TEP1: variants seen among roughly 807,000 people sequenced by gnomAD.
TEP1 encodes telomerase protein component 1.
Under a neutral mutation model 306.3 loss-of-function variants are expected in TEP1, and 241 were observed. The observed-to-expected ratio is 0.79, with a 90% CI of 0.71 to 0.88. The LOEUF (loss-of-function observed/expected upper bound fraction) is 0.88, where lower values mean the gene tolerates loss of function less well. Among genes scored for constraint, TEP1 ranks in the 40% least tolerant of loss-of-function variants. The pLI is 0.00. For synonymous variants in TEP1, 1,289 were observed against 1,305.5 expected, an observed-to-expected ratio of 0.99 and a Z score of 0.27; for missense variants, 3,051 against 3,276.1, an observed-to-expected ratio of 0.93 and a Z score of 1.68.
rs1376038708 is a variant in TEP1 at position 20,382,606 on chromosome 14, A to G, written c.4140+17T>C. ...TGGGAAGTAGTGATTAGGACTTGGA[A>G]GGTGATGAGAACTGACCTGCTCATA... On this transcript the variant is annotated intron_variant, in intron 28 of 54. Coordinates refer to ENST00000262715, the MANE Select transcript of TEP1 (RefSeq NM_007110.5). 3 of 1,613,508 alleles carry G rather than the reference A, an allele frequency of 1.9e-6. No individual in the cohort carries two copies. In the South Asian group the frequency reaches 3.3e-5, roughly 18 times the overall value.
In TEP1 at chr14:20,368,381, C is replaced by T; in HGVS notation, c.*56G>A. On this transcript the variant is annotated 3_prime_UTR_variant, in exon 55 of 55. Transcript: ENST00000262715. The stretch of plus-strand genomic sequence containing the variant: ...TATAATTATTAAAAGCTACCAGTGT[C>T]TTCAGGCTTTGCATCTCTAGCACAA... 1 of 1,583,050 alleles carries T rather than the reference C, an allele frequency of 6.3e-7. No homozygotes were observed. The highest frequency in any genetic ancestry group is 8.6e-7 in the Non-Finnish European group (1 of 1,156,752).
At chr14:20,391,175 A>C (rs2139114495) in intron 13 of TEP1, 79 bp from the exon 14 acceptor site, 1 of 1,453,318 alleles carries the variant, frequency 6.9e-7, no homozygotes, top group South Asian at 1.2e-5. Context: ...TGGAGGCCAA[A>C]CCCTTCCATT....
At chr14:20,377,878 G>A in intron 39 of TEP1, 125 bp from the exon 40 acceptor site, 1 of 1,449,054 alleles carries the variant, frequency 6.9e-7, no homozygotes. Flanking sequence ...AGCTGCCCCT[G>A]CACACAGCGG....
At position 20,368,568 on chromosome 14, in the gene TEP1, G is replaced by GGA; in HGVS notation, c.7762-11_7762-10dup. The GGA allele has an allele frequency of 6.2e-7, 1 of 1,613,856 alleles. No individual in the cohort carries two copies. Among genetic ancestry groups the GGA allele is most frequent in the African/African-American group, 1.3e-5 (1 of 74,992 alleles). On this transcript the variant is annotated splice_polypyrimidine_tract_variant and intron_variant, in intron 54 of 54. Coordinates refer to ENST00000262715, the MANE Select transcript of TEP1 (RefSeq NM_007110.5). ...CATCGGAACAGGCCCAGCTACGATGGGAACAAAAATAGGGGAGGTCAGGGC... is the reference window on the plus strand; with the variant it reads ...CATCGGAACAGGCCCAGCTACGATGGGAGAACAAAAATAGGGGAGGTCAGGGC...
In TEP1 at chr14:20,381,166, G is replaced by T; in HGVS notation, c.4648-121C>A. 2 of 1,213,988 alleles carry T rather than the reference G, an allele frequency of 1.6e-6. No individual in the cohort carries two copies. The highest frequency in any genetic ancestry group is 1.2e-5 in the South Asian group (1 of 81,354). The allele number at this position is 1,213,988 out of a possible 1,614,324, so 75.2% of individuals were successfully genotyped here. On this transcript the variant is annotated intron_variant, in intron 32 of 54. Transcript: ENST00000262715. This position sits in a 1 kb window ranked among gnomAD's most constrained non-coding sequence, Gnocchi z 4.0. ...CTGGGACAAAGGACTTGAAGAAGAA[G>T]GGCAGGAAAACTGAAAGGAAAGAGG...
At chr14:20,401,390 G>A (rs1029507432) in intron 8 of TEP1, 67 bp downstream of exon 8, 5 of 1,595,790 alleles carry the variant, frequency 3.1e-6, no homozygotes, top group South Asian at 2.3e-5. Context: ...CTGGGATGGG[G>A]GCCACGGATG....
intron 35 of TEP1, 113 bp downstream of exon 35, chr14:20,379,817 A>G: frequency 7.2e-7 from 1 of 1,393,684 alleles, no homozygotes; most frequent in Admixed American, 2.8e-5. Context: ...TGCAGGCAGT[A>G]AAGTTGCTGA....
rs1192482462 is a variant in TEP1 at position 20,389,682 on chromosome 14, T to C, written c.2393A>G (p.Lys798Arg). ...ATTCACACGCTGCCAGTAAAGCTGT[T>C]TGGCCACATTTATCATTCCATCATC... The part of the protein sequence containing the change: ...SMDDGMINVA[K>R]QLYWQRVNSK... Residue 798 changes from lysine to arginine, a missense_variant, in exon 16 of 55, where the codon AAA becomes AGA. Transcript: ENST00000262715. 5.0e-6 allele frequency: 8 copies of C among 1,614,086 alleles called. 1 individual carries two copies. The highest frequency in any genetic ancestry group is 1.7e-5 in the Admixed American group (1 of 60,006).
chr14:20,376,390 G>A (rs1885179602), intron 41 of TEP1, 126 bp from the exon 42 acceptor site: 1 of 967,400 alleles, frequency 1.0e-6, no homozygotes, highest in South Asian at 1.7e-5. Flanking sequence ...CCATGGGAGG[G>A]ATGCAGGGAG....
intron 12 of TEP1, among the ~76,000 whole-genome samples, chr14:20,392,402 T>C (rs192839670): frequency 6.8e-6 from 1 of 147,126 alleles, no homozygotes; most frequent in Non-Finnish European, 1.5e-5. Flanking sequence ...GTGGTCCCAC[T>C]TAAATAGTAT....
intron 18 of TEP1, 53 bp from the exon 19 acceptor site, chr14:20,386,676 T>C: frequency 6.7e-7 from 1 of 1,499,442 alleles, no homozygotes; most frequent in Non-Finnish European, 8.9e-7. Flanking sequence ...CCACCCCCCA[T>C]CCATAGACAC....
intron 1 of TEP1, among the ~76,000 whole-genome samples, chr14:20,409,981 A>G (rs1190325214): frequency 7.4e-6 from 1 of 135,242 alleles, no homozygotes; most frequent in Non-Finnish European, 1.5e-5. Flanking sequence ...CAGATTGGCC[A>G]CTGCACTCCA....
Position 20,387,901 on chromosome 14 carries a change from T to G in TEP1, c.2684+4A>C. The G allele has an allele frequency of 6.2e-7, 1 of 1,600,326 alleles. No individual in the cohort carries two copies. The highest frequency in any genetic ancestry group is 8.5e-7 in the Non-Finnish European group (1 of 1,175,596). ...TTCACAAAGGCATAGAAACACAGACTGACCCTTGCTGGGAAACAGGAGCCA... is the reference window on the plus strand; with the variant it reads ...TTCACAAAGGCATAGAAACACAGACGGACCCTTGCTGGGAAACAGGAGCCA... On this transcript the variant is annotated splice_donor_region_variant and intron_variant, in intron 18 of 54. Coordinates refer to ENST00000262715, the MANE Select transcript of TEP1 (RefSeq NM_007110.5).
In TEP1 at chr14:20,369,917, A is replaced by AGTCTTTTT. The variant is rs59667471; in HGVS notation, c.7318-139_7318-138insAAAAAGAC. 224 of 590,702 alleles carry AGTCTTTTT rather than the reference A, an allele frequency of 3.8e-4. 1 individual carries two copies. The highest frequency in any genetic ancestry group is 1.9e-3 in the Middle Eastern group (4 of 2,058). 36.6% of individuals were successfully genotyped at this position (590,702 alleles called of 1,614,324 possible). A position where few individuals can be genotyped will look rare whatever the true frequency, so the allele number is the denominator to read the frequency against. ...CAACTTAGATACAATCAAGTGCGCA[A>AGTCTTTTT]ATTTTTTTTTTTTTGAGACGGAGTC... is the stretch of plus-strand genomic sequence containing the variant. On this transcript the variant is annotated intron_variant, in intron 51 of 54. Transcript: ENST00000262715.
At chr14:20,378,304 G>A in intron 38 of TEP1, 68 bp from the exon 39 acceptor site, 2 of 1,611,470 alleles carry the variant, frequency 1.2e-6, no homozygotes, top group Non-Finnish European at 8.5e-7. Context: ...GACCCAGAAT[G>A]CTGCTGTCTG....
Position 20,370,665 on chromosome 14 carries a change from G to C in TEP1, c.7317+553C>G, listed in dbSNP as rs567155649. Among the ~76,000 whole-genome samples the C allele has an allele frequency of 5.3e-5, 8 of 152,306 alleles. No individual in the cohort carries two copies. In the East Asian group the frequency reaches 1.5e-3, roughly 29 times the overall value. ...GAAGATTCTTGTACCCGGCTTTGCA[G>C]AATGTATGTACTCCTTTCTCTTAGG... On this transcript the variant is annotated intron_variant, in intron 51 of 54. Transcript: ENST00000262715.
At position 20,373,023 on chromosome 14, in the gene TEP1, C is replaced by T; in HGVS notation, c.6939G>A (p.Val2313=). The change falls in exon 48 of 55, where the codon GTG becomes GTA. Residue 2313 remains valine, a synonymous_variant. Transcript: ENST00000262715. The part of the protein sequence containing the change: ...ELILWQEAKA[V]ATAQAPGHIG... ...TACACCGACTCACCTGTGCTGTGGC[C>T]ACAGCCTTAGCTTCCTGCCACAAGA... 1 of 1,614,164 alleles carries T rather than the reference C, an allele frequency of 6.2e-7. No homozygotes were observed. Among genetic ancestry groups the T allele is most frequent in the Non-Finnish European group, 8.5e-7 (1 of 1,180,030 alleles).
intron 6 of TEP1, 72 bp from the exon 7 acceptor site, chr14:20,403,520 T>C (rs1878926075): frequency 2.5e-6 from 4 of 1,605,490 alleles, no homozygotes; most frequent in Non-Finnish European, 2.5e-6. Context: ...TCAATAGCCC[T>C]GAAGGTGCAT....
In TEP1 at chr14:20,384,615, C is replaced by G; in HGVS notation, c.3206G>C (p.Gly1069Ala). 2 of 1,614,078 alleles carry G rather than the reference C, an allele frequency of 1.2e-6. No homozygotes were observed. Among genetic ancestry groups the G allele is most frequent in the Non-Finnish European group, 1.7e-6 (2 of 1,180,030 alleles). ...ELKSYLSRQK[G>A]ITCRRYPCEW... ...CTCAGCTCACCTGCGGCAGGTGATC[C>G]CTTTCTGTCTGCTTAGGTAGCTCTT... is the stretch of plus-strand genomic sequence containing the variant. Residue 1069 changes from glycine (G) to alanine (A), a missense_variant, in exon 22 of 55, where the codon GGG (glycine) becomes GCG (alanine). This residue lies in a region of TEP1 where 1,507 missense variants were observed against 1,550.5 expected (regional missense o/e 0.97). Transcript: ENST00000262715.
Sources: allele counts gnomAD v4.1 joint callset (sites outside exome capture counted in the v4.1 genomes callset), GRCh38; gene constraint gnomAD v4.1.1; regional missense constraint gnomAD v4.1.1; non-coding constraint Gnocchi (gnomAD v3.1); transcripts MANE v1.5; gene names NCBI Gene and HGNC (gene_info 2026-07-23, HGNC 2026-07-21).